Variants in SEMA4F observed in about 807,000 individuals in gnomAD.
SEMA4F encodes the protein semaphorin-4F.
SEMA4F carries 51 observed loss-of-function variants against 78.4 expected under a neutral mutation model. The ratio of observed to expected loss-of-function variants is 0.65; its 90% CI spans 0.52 to 0.82. The LOEUF (loss-of-function observed/expected upper bound fraction) is 0.82. Among genes scored for constraint, SEMA4F ranks in the 40% least tolerant of loss-of-function variants. SEMA4F has a pLI of 0.00. For missense variants in SEMA4F, 938 were observed against 1,014.4 expected (o/e 0.92, Z 1.02); for synonymous variants, 418 against 408.7 (o/e 1.02, Z -0.27).
At chr2:74,677,251 A>G (rs1232206553) in intron 12 of SEMA4F, among the ~76,000 whole-genome samples, 7 of 152,190 alleles carry the variant, frequency 4.6e-5, no homozygotes, top group Admixed American at 4.6e-4. Context: ...CATATCCAAA[A>G]GTAGAGAGAA....
chr2:74,707,015 C>T, the SEMA4F span, among the ~76,000 whole-genome samples: 8,345 of 152,144 alleles, frequency 0.055, 506 homozygotes, highest in East Asian at 0.34. Flanking sequence ...CCTTCTGCTA[C>T]CTGCATTTAA....
intron 12 of SEMA4F, among the ~76,000 whole-genome samples, chr2:74,677,295 G>A (rs1685345703): frequency 6.6e-6 from 1 of 152,106 alleles, no homozygotes; most frequent in South Asian, 2.1e-4. Context: ...CCATCCCTCA[G>A]CTTCAACAAC....
chr2:74,676,118 C>T, intron 12 of SEMA4F, among the ~76,000 whole-genome samples: 1 of 152,220 alleles, frequency 6.6e-6, no homozygotes, highest in Admixed American at 6.5e-5. Flanking sequence ...GTCCTTGCCT[C>T]TCTGCTGGAC....
At chr2:74,703,331 C>T in the SEMA4F span, among the ~76,000 whole-genome samples, 2 of 152,208 alleles carry the variant, frequency 1.3e-5, no homozygotes, top group African/African-American at 4.8e-5. Flanking sequence ...GGTGATAGAA[C>T]AAACAAGGCA....
chr2:74,702,914 G>A, the SEMA4F span, among the ~76,000 whole-genome samples: 5 of 152,112 alleles, frequency 3.3e-5, no homozygotes, highest in Non-Finnish European at 4.4e-5. Context: ...TCATTGAAAA[G>A]CTGAAATGGA....
At chr2:74,666,184 G>T (rs1573240224) in intron 5 of SEMA4F, among the ~76,000 whole-genome samples, 1 of 152,274 alleles carries the variant, frequency 6.6e-6, no homozygotes, top group South Asian at 2.1e-4. Context: ...GGGATTACAG[G>T]CGTGAGCCAC....
At chr2:74,676,971 G>A (rs1021052730) in intron 12 of SEMA4F, among the ~76,000 whole-genome samples, 3 of 151,852 alleles carry the variant, frequency 2.0e-5, no homozygotes, top group South Asian at 4.2e-4. Context: ...ACGCCATCTC[G>A]GCTCACTGCA....
chr2:74,700,359 T>C, the SEMA4F span, among the ~76,000 whole-genome samples: 1 of 152,076 alleles, frequency 6.6e-6, no homozygotes, highest in South Asian at 2.1e-4. Flanking sequence ...CATGTGGGAA[T>C]AGGTTCCCCT....
the SEMA4F span, among the ~76,000 whole-genome samples, chr2:74,694,112 G>A: frequency 6.6e-6 from 1 of 152,174 alleles, no homozygotes; most frequent in African/African-American, 2.4e-5. Flanking sequence ...TAAAACATCT[G>A]CAGACAAGAC....
chr2:74,706,117 A>AT, the SEMA4F span, among the ~76,000 whole-genome samples: 19 of 152,028 alleles, frequency 1.2e-4, no homozygotes, highest in Non-Finnish European at 2.1e-4. Flanking sequence ...CATTTATTGA[A>AT]TTTTTTTTAA....
Position 74,656,824 on chromosome 2 carries a change from T to C in SEMA4F, c.297+139T>C, listed in dbSNP as rs370762041. 3.8e-4 allele frequency: 273 copies of C among 717,354 alleles called. 2 individuals carry two copies. The African/African-American group carries it at 4.3e-3, about 11-fold the overall frequency. 44.4% of individuals were successfully genotyped at this position (717,354 alleles called of 1,614,324 possible). A position where few individuals can be genotyped will look rare whatever the true frequency, so the allele number is the denominator to read the frequency against. ...GTAGGAGGGGGTGAGTTGGGAGACA[T>C]GGGGGGAGATCATCCACTTTGTTTT... On this transcript the variant is annotated intron_variant, in intron 2 of 13. Coordinates refer to ENST00000357877, the MANE Select transcript of SEMA4F (RefSeq NM_004263.5).
At position 74,665,844 on chromosome 2, in the gene SEMA4F, T is replaced by TA. The variant is rs527813693; in HGVS notation, c.550+3020dup. The stretch of plus-strand genomic sequence containing the variant: ...ATTGTTTATCAGCAAAATGACTTCT[T>TA]ACTTGCAACACTCTAAGATAATCAT... On this transcript the variant is annotated intron_variant, in intron 5 of 13. Coordinates refer to ENST00000357877, the MANE Select transcript of SEMA4F (RefSeq NM_004263.5). Among the ~76,000 whole-genome samples, 15 of 152,298 alleles carry TA rather than the reference T, an allele frequency of 9.8e-5. No homozygotes were observed. The South Asian group carries it at 3.1e-3, about 32-fold the overall frequency.
At chr2:74,707,486 G>C in the SEMA4F span, among the ~76,000 whole-genome samples, 1 of 142,444 alleles carries the variant, frequency 7.0e-6, no homozygotes, top group East Asian at 2.6e-4. Flanking sequence ...CAGCTTTTAT[G>C]AAAGTTTTTT....
intron 5 of SEMA4F, among the ~76,000 whole-genome samples, chr2:74,670,620 C>T (rs930933031): frequency 1.3e-5 from 2 of 152,238 alleles, no homozygotes; most frequent in African/African-American, 2.4e-5. Flanking sequence ...TACCAAGTCA[C>T]GCTCCCAGCG....
At chr2:74,669,643 G>A (rs1325782853) in intron 5 of SEMA4F, among the ~76,000 whole-genome samples, 1 of 151,944 alleles carries the variant, frequency 6.6e-6, no homozygotes, top group Non-Finnish European at 1.5e-5. Flanking sequence ...AACAAAAAAC[G>A]AATGAACTGA....
intron 4 of SEMA4F, among the ~76,000 whole-genome samples, chr2:74,662,426 A>G (rs1259385059): frequency 6.6e-6 from 1 of 152,172 alleles, no homozygotes; most frequent in Non-Finnish European, 1.5e-5. Flanking sequence ...ACCTACCTTC[A>G]GCCTCTTAGG....
the SEMA4F span, among the ~76,000 whole-genome samples, chr2:74,690,025 G>A: frequency 2.6e-5 from 4 of 152,242 alleles, no homozygotes; most frequent in Non-Finnish European, 4.4e-5. Context: ...AGATACCCAC[G>A]CACAGAATTA....
rs540185243 is a variant in SEMA4F, at chr2:74,683,119, T to C, written c.*2910T>C. 1.8e-4 allele frequency: 27 copies of C among 152,568 alleles called. No individual in the cohort carries two copies. In the South Asian group the frequency reaches 5.6e-3, roughly 32 times the overall value. 9.5% of individuals were successfully genotyped at this position (152,568 alleles called of 1,614,324 possible). ...GATGACAGTCATTTCTGTGTCTATG[T>C]GTCTTATTATACCTTATTAAAACAA... is the stretch of plus-strand genomic sequence containing the variant. On this transcript the variant is annotated 3_prime_UTR_variant, in exon 14 of 14. Coordinates refer to ENST00000357877, the MANE Select transcript of SEMA4F (RefSeq NM_004263.5).
chr2:74,674,732 A>G (rs1038470719), intron 8 of SEMA4F, 56 bp downstream of exon 8: 42 of 1,589,604 alleles, frequency 2.6e-5, no homozygotes, highest in South Asian at 3.4e-5. Flanking sequence ...TGGGGTTGGC[A>G]CAATGTCAGT....
Sources: allele counts gnomAD v4.1 joint callset (sites outside exome capture counted in the v4.1 genomes callset), GRCh38; gene constraint gnomAD v4.1.1; transcripts MANE v1.5; gene names NCBI Gene and HGNC (gene_info 2026-07-23, HGNC 2026-07-21).